Variants in ANKH observed in about 807,000 individuals in gnomAD.
The protein encoded by ANKH is mineralization regulator ANKH.
In ANKH, 15 loss-of-function variants were observed where a neutral mutation model predicts 49.0. The observed-to-expected ratio is 0.31, with a 90% CI of 0.20 to 0.47. The LOEUF (loss-of-function observed/expected upper bound fraction) is 0.47. Ranked by LOEUF, ANKH falls within the 20% of genes least tolerant of loss-of-function variation. ANKH has a pLI of 1.00. For synonymous variants in ANKH, 273 were observed against 260.0 expected (o/e 1.05, Z -0.48); for missense variants, 429 against 652.0 (o/e 0.66, Z 3.72).
chr5:14,749,182 G>A lies in ANKH; in HGVS notation c.812C>T (p.Ala271Val). ...CAAAGCATGGCCCACCTCTGTGGCT[G>A]CAGAACTGCCACCAAGGTCCCGGGA... The part of the protein sequence containing the change: ...FVSRDLGGSS[A>V]ATEAVAILTA... Residue 271 changes from alanine (A) to valine (V), a missense_variant, in exon 6 of 12, where the codon GCA (alanine) becomes GTA (valine). Ala to Val is a moderately conservative substitution (Grantham distance 64). This residue lies in a region of ANKH where 378 missense variants were observed against 615.3 expected (regional missense o/e 0.61). Transcript: ENST00000284268. The A allele has an allele frequency of 1.2e-6, 2 of 1,614,022 alleles. No individual in the cohort carries two copies. Among genetic ancestry groups the A allele is most frequent in the Non-Finnish European group, 1.7e-6 (2 of 1,179,910 alleles).
intron 8 of ANKH, among the ~76,000 whole-genome samples, chr5:14,730,021 C>T (rs1737945182): frequency 1.3e-5 from 2 of 152,216 alleles, no homozygotes; most frequent in Admixed American, 6.5e-5. Flanking sequence ...TACTTCCCTC[C>T]GGCAGGCAGT....
At chr5:14,841,446 GC>G (rs1367742598) in intron 1 of ANKH, among the ~76,000 whole-genome samples, 1 of 152,022 alleles carries the variant, frequency 6.6e-6, no homozygotes, top group Non-Finnish European at 1.5e-5. Flanking sequence ...ACAGGCATGT[GC>G]CCCAACGCCT....
At chr5:14,785,477 T>C (rs544637880) in intron 1 of ANKH, among the ~76,000 whole-genome samples, 5 of 152,292 alleles carry the variant, frequency 3.3e-5, no homozygotes, top group African/African-American at 9.6e-5. Context: ...TCTGCCATGA[T>C]TGGAAGCTTC....
intron 1 of ANKH, among the ~76,000 whole-genome samples, chr5:14,776,762 C>T (rs895431913): frequency 6.6e-6 from 1 of 152,208 alleles, no homozygotes; most frequent in Non-Finnish European, 1.5e-5. Context: ...AGACATTCAC[C>T]AGGGCAGAGG....
At chr5:14,855,235 C>T (rs1034817717) in intron 1 of ANKH, among the ~76,000 whole-genome samples, 2 of 152,218 alleles carry the variant, frequency 1.3e-5, no homozygotes, top group Admixed American at 1.3e-4. Flanking sequence ...TCTATAGGAT[C>T]CCAGAGCAAA....
At chr5:14,750,236 C>G (rs1047917352) in intron 5 of ANKH, among the ~76,000 whole-genome samples, 2 of 152,162 alleles carry the variant, frequency 1.3e-5, no homozygotes, top group Admixed American at 1.3e-4. Context: ...TGCAGAGAAA[C>G]CTAATGATGT....
chr5:14,791,519 T>C (rs1318770174), intron 1 of ANKH, among the ~76,000 whole-genome samples: 3 of 152,148 alleles, frequency 2.0e-5, no homozygotes, highest in Non-Finnish European at 4.4e-5. Context: ...TTTATACAAA[T>C]GGTTCCCTTG....
chr5:14,869,730 T>G (rs1470712812), intron 1 of ANKH: 1 of 152,172 alleles, frequency 6.6e-6, no homozygotes, highest in African/African-American at 2.4e-5. Context: ...GAGGCAATAT[T>G]GTGGTATGCG....
intron 1 of ANKH, among the ~76,000 whole-genome samples, chr5:14,809,829 T>C (rs1156457682): frequency 6.6e-6 from 1 of 151,836 alleles, no homozygotes; most frequent in Non-Finnish European, 1.5e-5. Flanking sequence ...GGAGGGATCC[T>C]TCCTCTGAGT....
Position 14,736,840 on chromosome 5 carries a change from G to A in ANKH, c.1011+4987C>T, listed in dbSNP as rs558883486. Among the ~76,000 whole-genome samples the A allele has an allele frequency of 7.2e-5, 11 of 152,332 alleles. No homozygotes were observed. The South Asian group carries it at 2.3e-3, about 32-fold the overall frequency. ...TCTGGAGAGATCCCATTTCCATTGT[G>A]TGCTAATGGTTTGGGGAGGCTTAGC... On this transcript the variant is annotated intron_variant, in intron 8 of 11. Coordinates refer to ENST00000284268, the MANE Select transcript of ANKH (RefSeq NM_054027.6).
intron 8 of ANKH, among the ~76,000 whole-genome samples, chr5:14,726,662 C>T (rs1490546326): frequency 6.6e-6 from 1 of 152,098 alleles, no homozygotes; most frequent in African/African-American, 2.4e-5. Flanking sequence ...AGGAGTGTTC[C>T]TAATGTTTGC....
intron 2 of ANKH, among the ~76,000 whole-genome samples, chr5:14,766,282 G>C (rs1739256749): frequency 6.6e-6 from 1 of 152,112 alleles, no homozygotes; most frequent in South Asian, 2.1e-4. Context: ...TGTAGTCCCA[G>C]CTACTCAAGA....
rs1344362860 is a variant in ANKH at position 14,708,073 on chromosome 5, G to A, written c.*3124C>T. 2 of 152,170 alleles carry A rather than the reference G, an allele frequency of 1.3e-5. No homozygotes were observed. The highest frequency in any genetic ancestry group is 4.8e-5 in the African/African-American group (2 of 41,436). The allele number at this position is 152,170 out of a possible 1,614,324, so 9.4% of individuals were successfully genotyped here. A position where few individuals can be genotyped will look rare whatever the true frequency, so the allele number is the denominator to read the frequency against. On this transcript the variant is annotated 3_prime_UTR_variant, in exon 12 of 12. Coordinates refer to ENST00000284268, the MANE Select transcript of ANKH (RefSeq NM_054027.6). ...CCGTGACTTTCCAAGCGCAAGCCTC[G>A]TCTAGTTCTTTTTGCTCAGTTGTTG...
At chr5:14,736,083 C>T (rs1246696700) in intron 8 of ANKH, among the ~76,000 whole-genome samples, 1 of 142,494 alleles carries the variant, frequency 7.0e-6, no homozygotes, top group Non-Finnish European at 1.5e-5. Context: ...ACCTCGGATA[C>T]CCTTGCACTC....
intron 8 of ANKH, among the ~76,000 whole-genome samples, chr5:14,722,854 C>T (rs144380362): frequency 3.9e-5 from 6 of 152,076 alleles, no homozygotes; most frequent in African/African-American, 9.6e-5. Flanking sequence ...CAGAGGAACA[C>T]GGCAGACATG....
intron 1 of ANKH, among the ~76,000 whole-genome samples, chr5:14,835,204 T>C (rs9312874): frequency 0.12 from 18,254 of 152,184 alleles, 1,506 homozygotes; most frequent in East Asian, 0.45. Flanking sequence ...GTATATTTTA[T>C]GACCAGGCTT....
chr5:14,715,684 G>A (rs1433987824), intron 9 of ANKH, among the ~76,000 whole-genome samples: 1 of 152,220 alleles, frequency 6.6e-6, no homozygotes, highest in Non-Finnish European at 1.5e-5. Context: ...AGCTATGCAA[G>A]CAGTTAGCAC....
At chr5:14,736,652 C>A (rs771372565) in intron 8 of ANKH, among the ~76,000 whole-genome samples, 21 of 152,184 alleles carry the variant, frequency 1.4e-4, no homozygotes, top group Non-Finnish European at 1.6e-4. Context: ...CTGACCTTCA[C>A]GCTACTCCAC....
intron 8 of ANKH, among the ~76,000 whole-genome samples, chr5:14,720,685 T>TCTCTCTA (rs1156983720): frequency 1.3e-5 from 2 of 152,240 alleles, no homozygotes; most frequent in African/African-American, 4.8e-5. Context: ...ATTCTGTGTT[T>TCTCTCTA]ATCTAAGGGT....
Sources: allele counts gnomAD v4.1 joint callset (sites outside exome capture counted in the v4.1 genomes callset), GRCh38; gene constraint gnomAD v4.1.1; regional missense constraint gnomAD v4.1.1; transcripts MANE v1.5; gene names NCBI Gene and HGNC (gene_info 2026-07-23, HGNC 2026-07-21).